Variants in HIPK3 observed in about 807,000 individuals in gnomAD.
HIPK3 encodes homeodomain interacting protein kinase 3, also known as homeodomain-interacting protein kinase 3.
In HIPK3, 47 loss-of-function variants were observed where a neutral mutation model predicts 124.2. The observed-to-expected ratio is 0.38, with a 90% confidence interval of 0.30 to 0.48. The LOEUF (loss-of-function observed/expected upper bound fraction) is 0.48. Among genes scored for constraint, HIPK3 ranks in the 20% least tolerant of loss-of-function variants. The pLI is 0.98. For missense variants in HIPK3, 1,286 were observed against 1,454.3 expected, an observed-to-expected ratio of 0.88 and a Z score of 1.88; for synonymous variants, 482 against 515.2, an observed-to-expected ratio of 0.94 and a Z score of 0.87.
intron 11 of HIPK3, 72 bp downstream of exon 11, chr11:33,348,085 G>A (rs1853552531): frequency 1.2e-6 from 2 of 1,606,122 alleles, no homozygotes; most frequent in Non-Finnish European, 1.7e-6. Context: ...GTACTCTAAA[G>A]GGTCACTCTG....
chr11:33,265,554 G>T (rs764190035), intron 1 of HIPK3, among the ~76,000 whole-genome samples: 3 of 144,204 alleles, frequency 2.1e-5, no homozygotes, highest in African/African-American at 7.7e-5. Context: ...TGTGTGGATC[G>T]CTTGAGCACA....
At chr11:33,336,633 A>G (rs973982098) in intron 3 of HIPK3, among the ~76,000 whole-genome samples, 5 of 152,218 alleles carry the variant, frequency 3.3e-5, no homozygotes, top group African/African-American at 9.6e-5. Context: ...TTGCTGATAA[A>G]GCCCTTTACC....
chr11:33,294,159 G>GAA (rs34635630), intron 2 of HIPK3, among the ~76,000 whole-genome samples: 3 of 144,520 alleles, frequency 2.1e-5, no homozygotes, highest in African/African-American at 5.1e-5. Flanking sequence ...ATCTGAAAAA[G>GAA]AAAAAAAAAA....
chr11:33,279,506 A>G lies in HIPK3; in HGVS notation c.-2-6907A>G, dbSNP rs559992330. Among the ~76,000 whole-genome samples the G allele has an allele frequency of 5.3e-5, 8 of 151,686 alleles. No individual in the cohort carries two copies. In the South Asian group the frequency reaches 8.3e-4, roughly 16 times the overall value. ...CAGATGGGCTAATATTATGTGTAGT[A>G]AAAAAAGATGGAAACAGCCCACTAT... On this transcript the variant is annotated intron_variant, in intron 1 of 16. Transcript: ENST00000303296.
chr11:33,348,511 T>C lies in HIPK3; in HGVS notation c.2370-11T>C. On this transcript the variant is annotated splice_polypyrimidine_tract_variant and intron_variant, in intron 12 of 16. Coordinates refer to ENST00000303296, the MANE Select transcript of HIPK3 (RefSeq NM_005734.5). ...GATTATAGAAATTATAAATTATTCCTTTGGTTGCAGGAGTAATTCATTACA... is the reference window on the plus strand; with the variant it reads ...GATTATAGAAATTATAAATTATTCCCTTGGTTGCAGGAGTAATTCATTACA... 2 of 1,581,366 alleles carry C rather than the reference T, an allele frequency of 1.3e-6. No individual in the cohort carries two copies. The highest frequency in any genetic ancestry group is 1.7e-6 in the Non-Finnish European group (2 of 1,157,216).
rs1420246674 is a variant in HIPK3, at chr11:33,269,222, T to G, written c.-3+11333T>G. 2.6e-5 allele frequency among the ~76,000 whole-genome samples: 4 copies of G among 152,180 alleles called. 1 individual carries two copies. Among genetic ancestry groups the G allele is most frequent in the South Asian group, 4.1e-4 (2 of 4,832 alleles). On this transcript the variant is annotated intron_variant, in intron 1 of 16. Transcript: ENST00000303296. Reference sequence around the variant, plus strand: ...AAAACCCTCCTTTATTCCTGCCTCTTTTTTTACTTCTAACAGATGAGTCGC... The same window carrying G: ...AAAACCCTCCTTTATTCCTGCCTCTGTTTTTACTTCTAACAGATGAGTCGC...
At chr11:33,266,081 A>G (rs911474952) in intron 1 of HIPK3, among the ~76,000 whole-genome samples, 3 of 150,616 alleles carry the variant, frequency 2.0e-5, no homozygotes, top group African/African-American at 7.3e-5. Flanking sequence ...AAAAAAGAAA[A>G]CAAACCTATT....
Position 33,302,339 on chromosome 11 carries a change from C to CTTTTTTTTTTTTTTTTTTTTT in HIPK3, c.1097+14830_1097+14831insTTTTTTTTTTTTTTTTTTTTT, listed in dbSNP as rs374964013. Among the ~76,000 whole-genome samples, 4 of 121,138 alleles carry CTTTTTTTTTTTTTTTTTTTTT rather than the reference C, an allele frequency of 3.3e-5. 1 individual carries two copies. Among genetic ancestry groups the CTTTTTTTTTTTTTTTTTTTTT allele is most frequent in the African/African-American group, 3.0e-5 (1 of 33,718 alleles). The allele number at this position is 121,138 out of a possible 152,430, so 79.5% of individuals were successfully genotyped here. On this transcript the variant is annotated intron_variant, in intron 2 of 16. Coordinates refer to ENST00000303296, the MANE Select transcript of HIPK3 (RefSeq NM_005734.5). Reference sequence around the variant, plus strand: ...TGAACTTCTCTATGATAATTCCTTACTTCTTTTTTTTTTTTTTGAGAAGGA... The same window carrying CTTTTTTTTTTTTTTTTTTTTT: ...TGAACTTCTCTATGATAATTCCTTACTTTTTTTTTTTTTTTTTTTTTTTCTTTTTTTTTTTTTTGAGAAGGA...
intron 1 of HIPK3, among the ~76,000 whole-genome samples, chr11:33,273,259 C>T (rs1046716414): frequency 2.0e-5 from 3 of 152,042 alleles, no homozygotes; most frequent in African/African-American, 7.2e-5. Context: ...AATCCCAGCA[C>T]TTTGGGAGGC....
intron 1 of HIPK3, 53 bp from the exon 2 acceptor site, chr11:33,286,360 T>C: frequency 7.2e-7 from 1 of 1,379,740 alleles, no homozygotes; most frequent in Non-Finnish European, 9.5e-7. Flanking sequence ...TTGTTGACAT[T>C]AATATTTCTT....
At chr11:33,256,746 T>A, upstream of HIPK3, 1 of 981,472 alleles carries the variant, frequency 1.0e-6, no homozygotes, top group Non-Finnish European at 1.2e-6. Context: ...GAATTACCAA[T>A]GTGGAGGTGG....
chr11:33,341,019 A>AT lies in HIPK3; in HGVS notation c.1666dup (p.Cys556LeufsTer2). Reference sequence around the variant, plus strand: ...ATATTTGTAAGTCCCACCTAAATTCATGTGACACAAATAATCACAACAAAA... The same window carrying AT: ...ATATTTGTAAGTCCCACCTAAATTCATTGTGACACAAATAATCACAACAAAA... On this transcript the variant is annotated frameshift_variant, in exon 7 of 17. Transcript: ENST00000303296. LOFTEE classifies it high-confidence loss of function. 1 of 1,607,978 alleles carries AT rather than the reference A, an allele frequency of 6.2e-7. No homozygotes were observed. The highest frequency in any genetic ancestry group is 8.5e-7 in the Non-Finnish European group (1 of 1,174,786).
chr11:33,296,551 T>C (rs1851847030), intron 2 of HIPK3, among the ~76,000 whole-genome samples: 3 of 152,242 alleles, frequency 2.0e-5, no homozygotes, highest in African/African-American at 7.2e-5. Context: ...TCAGGTCTGT[T>C]GGTGCCATTT....
At chr11:33,330,258 A>G (rs1852934484) in intron 3 of HIPK3, among the ~76,000 whole-genome samples, 1 of 152,220 alleles carries the variant, frequency 6.6e-6, no homozygotes, top group South Asian at 2.1e-4. Context: ...AAGGGATTAA[A>G]AAAAGTCATT....
intron 1 of HIPK3, among the ~76,000 whole-genome samples, chr11:33,276,343 A>G (rs1851269712): frequency 6.6e-6 from 1 of 152,212 alleles, no homozygotes; most frequent in African/African-American, 2.4e-5. Flanking sequence ...TTTGAAGAAT[A>G]CTGCCATTAT....
Position 33,342,999 on chromosome 11 carries a change from G to A in HIPK3, c.1897+1313G>A, listed in dbSNP as rs557385807. On this transcript the variant is annotated intron_variant, in intron 8 of 16. Coordinates refer to ENST00000303296, the MANE Select transcript of HIPK3 (RefSeq NM_005734.5). ...AAGCTTTAACATCTAGTTAATGCAA[G>A]AGGTCAATTACAGATGGGGCCCTAA... Among the ~76,000 whole-genome samples, 5 of 152,274 alleles carry A rather than the reference G, an allele frequency of 3.3e-5. No individual in the cohort carries two copies. In the South Asian group the frequency reaches 8.3e-4, roughly 25 times the overall value.
intron 2 of HIPK3, among the ~76,000 whole-genome samples, chr11:33,311,935 A>T (rs932781842): frequency 1.6e-5 from 2 of 127,060 alleles, no homozygotes; most frequent in African/African-American, 6.0e-5. Flanking sequence ...ACACACACAC[A>T]CTACACACAC....
rs1850711961 is a variant in HIPK3, at chr11:33,257,983, G to A, written c.-3+94G>A. ...GGCCAGCGGACCCCAAGCCTGACCCGGGCCTGGCCCGACACCTCCGGCGCA... is the reference window on the plus strand; with the variant it reads ...GGCCAGCGGACCCCAAGCCTGACCCAGGCCTGGCCCGACACCTCCGGCGCA... On this transcript the variant is annotated intron_variant, in intron 1 of 16. Transcript: ENST00000303296. The A allele has an allele frequency of 5.3e-6, 5 of 952,086 alleles. No homozygotes were observed. In the South Asian group the frequency reaches 1.9e-4, roughly 37 times the overall value. The allele number at this position is 952,086 out of a possible 1,614,324, so 59.0% of individuals were successfully genotyped here.
rs1240069601 is a variant in HIPK3 at position 33,257,386 on chromosome 11, C to T, written c.-506C>T. The T allele has an allele frequency of 1.0e-6, 1 of 984,918 alleles. No individual in the cohort carries two copies. Among genetic ancestry groups the T allele is most frequent in the African/African-American group, 1.7e-5 (1 of 57,188 alleles). The allele number at this position is 984,918 out of a possible 1,614,324, so 61.0% of individuals were successfully genotyped here. A position where few individuals can be genotyped will look rare whatever the true frequency, so the allele number is the denominator to read the frequency against. On this transcript the variant is annotated 5_prime_UTR_variant, in exon 1 of 17. Transcript: ENST00000303296. The stretch of plus-strand genomic sequence containing the variant: ...GGCCCGAGGCTGGGGCGGCTGGTGG[C>T]AGCTGCCTCAGTGACGACTGCCGGC...
Sources: gnomAD v4.1 joint callset for allele counts (sites outside exome capture counted in the v4.1 genomes callset) on GRCh38, gnomAD v4.1.1 for gene constraint, MANE v1.5 for transcripts, NCBI Gene and HGNC (gene_info 2026-07-23, HGNC 2026-07-21) for gene names.